NFRKB: variants seen among roughly 807,000 people sequenced by gnomAD.
NFRKB encodes the protein nuclear factor related to kappaB binding protein.
In NFRKB, 62 loss-of-function variants were observed where a neutral mutation model predicts 135.7. The ratio of observed to expected loss-of-function variants is 0.46; its 90% confidence interval spans 0.37 to 0.56. The LOEUF is 0.56. Among genes scored for constraint, NFRKB ranks in the 20% least tolerant of loss-of-function variants. The probability of loss-of-function intolerance (pLI) is 0.00; values close to 1 mark genes in which losing one functional copy is unlikely to be tolerated. For synonymous variants in NFRKB, 678 were observed against 635.6 expected, an observed-to-expected ratio of 1.07 and a Z score of -1.00; for missense variants, 1,545 against 1,662.0, an observed-to-expected ratio of 0.93 and a Z score of 1.22.
chr11:129,873,941 G>A lies in NFRKB; in HGVS notation c.2354C>T (p.Pro785Leu). The A allele has an allele frequency of 6.2e-7, 1 of 1,613,262 alleles. No homozygotes were observed. Among genetic ancestry groups the A allele is most frequent in the Non-Finnish European group, 8.5e-7 (1 of 1,180,014 alleles). The part of the protein sequence containing the change: ...MLSPASSQTA[P>L]SSQAAARVVS... ...GACCCGGGCGGCAGCCTGAGAACTG[G>A]GTGCAGTCTGGCTGGAAGCTGGGGA... Residue 785 changes from proline to leucine, a missense_variant, in exon 22 of 27, where the codon CCC becomes CTC. By Grantham distance (98) the Pro-to-Leu change is moderately conservative. Coordinates refer to ENST00000682444, the MANE Select transcript of NFRKB (RefSeq NM_001143835.2).
intron 8 of NFRKB, 65 bp downstream of exon 8, chr11:129,884,005 T>G: frequency 6.4e-7 from 1 of 1,551,160 alleles, no homozygotes; most frequent in Non-Finnish European, 8.9e-7. Flanking sequence ...CGTGTCTTCC[T>G]CAGGACAGCC....
intron 15 of NFRKB, among the ~76,000 whole-genome samples, chr11:129,878,093 G>C (rs1390129719): frequency 6.6e-6 from 1 of 152,122 alleles, no homozygotes; most frequent in Non-Finnish European, 1.5e-5. Flanking sequence ...ATGCCCCTTA[G>C]AGGCTCTCCT....
In NFRKB at chr11:129,884,652, T is replaced by C; in HGVS notation, c.742+93A>G. 3 of 1,406,340 alleles carry C rather than the reference T, an allele frequency of 2.1e-6. No individual in the cohort carries two copies. The South Asian group carries it at 3.7e-5, about 18-fold the overall frequency. 87.1% of individuals were successfully genotyped at this position (1,406,340 alleles called of 1,614,324 possible). ...TAGGGAGTTTTGTTTTCCTGGTAGG[T>C]AGGAATCTGCCCCCACCCACCTCCC... On this transcript the variant is annotated intron_variant, in intron 7 of 26. Transcript: ENST00000682444.
intron 4 of NFRKB, chr11:129,888,359 C>T: frequency 1.5e-6 from 1 of 667,406 alleles, no homozygotes; most frequent in Non-Finnish European, 2.7e-6. Context: ...ATGCTGGTTA[C>T]AAGCTGATGC....
Position 129,884,105 on chromosome 11 carries a change from A to C in NFRKB, c.781T>G (p.Leu261Val). ...TTCCGCTTCTCGTGGTGCTTCTTTA[A>C]CATTATCTTCAGGTCACTGTCCCCC... ...ELGDSDLKIMLKKHHEKRKHQ... is the reference protein window; with the variant it reads ...ELGDSDLKIMVKKHHEKRKHQ... Residue 261 changes from leucine to valine, a missense_variant, in exon 8 of 27, where the codon TTA (leucine) becomes GTA (valine). By Grantham distance (32) the Leu-to-Val change is conservative. Coordinates refer to ENST00000682444, the MANE Select transcript of NFRKB (RefSeq NM_001143835.2). 6.2e-7 allele frequency: 1 copy of C among 1,614,202 alleles called. No individual in the cohort carries two copies. Among genetic ancestry groups the C allele is most frequent in the Non-Finnish European group, 8.5e-7 (1 of 1,180,034 alleles).
Position 129,883,171 on chromosome 11 carries a change from G to A in NFRKB, c.852C>T (p.Leu284=), listed in dbSNP as rs548580516. 3.1e-6 allele frequency: 5 copies of A among 1,613,978 alleles called. No individual in the cohort carries two copies. The African/African-American group carries it at 6.7e-5, about 22-fold the overall frequency. Residue 284 remains leucine (L), a synonymous_variant, in exon 9 of 27, where the codon CTC becomes CTT. Transcript: ENST00000682444. Reference sequence around the variant, plus strand: ...CATTTACTCGAGTCATGATGTCATTGAGAGTCAGGTCCCCTGTCAAAAGGT... The same window carrying A: ...CATTTACTCGAGTCATGATGTCATTAAGAGTCAGGTCCCCTGTCAAAAGGT... ...HPDLLTGDLT[L]NDIMTRVNAG... is the part of the protein sequence containing the mutation.
At position 129,869,825 on chromosome 11, in the gene NFRKB, C is replaced by T; in HGVS notation, c.3200G>A (p.Ser1067Asn). The T allele has an allele frequency of 6.2e-7, 1 of 1,614,276 alleles. No homozygotes were observed. Among genetic ancestry groups the T allele is most frequent in the Non-Finnish European group, 8.5e-7 (1 of 1,180,054 alleles). Residue 1067 changes from serine to asparagine, a missense_variant, in exon 24 of 27, where the codon AGT becomes AAT. Transcript: ENST00000682444. ...GCTTTTTCCCTTCTGGTCAGCCACA[C>T]TCACGCCAAGAGCTGGCATCAAGCG... ...AFRLMPALGV[S>N]VADQKGKSTV...
chr11:129,882,765 C>G, intron 9 of NFRKB, 134 bp from the exon 10 acceptor site: 1 of 900,526 alleles, frequency 1.1e-6, no homozygotes, highest in South Asian at 1.6e-5. Context: ...TCAATGAAAC[C>G]AAATTCATTG....
intron 23 of NFRKB, among the ~76,000 whole-genome samples, chr11:129,871,121 C>A (rs953120249): frequency 1.3e-5 from 2 of 152,216 alleles, no homozygotes; most frequent in African/African-American, 4.8e-5. Context: ...AACATCCTCC[C>A]GTGTAGTTAA....
chr11:129,884,057 C>G lies in NFRKB; in HGVS notation c.816+13G>C, dbSNP rs1239640773. On this transcript the variant is annotated intron_variant, in intron 8 of 26. Transcript: ENST00000682444. The stretch of plus-strand genomic sequence containing the variant: ...GCTGAAAACCACACGGCCGCACGCC[C>G]TTCCCATCTTACTGGCTGATGTTTC... The G allele has an allele frequency of 6.2e-7, 1 of 1,613,988 alleles. No individual in the cohort carries two copies. Among genetic ancestry groups the G allele is most frequent in the African/African-American group, 1.3e-5 (1 of 74,932 alleles).
At chr11:129,881,891 C>A (rs1949045631) in intron 11 of NFRKB, 38 bp from the exon 12 acceptor site, 1 of 1,559,088 alleles carries the variant, frequency 6.4e-7, no homozygotes. Flanking sequence ...TCAGACTTCT[C>A]TTCCACACCA....
intron 24 of NFRKB, among the ~76,000 whole-genome samples, chr11:129,867,434 A>G (rs1591471361): frequency 1.4e-5 from 2 of 147,134 alleles, no homozygotes; most frequent in East Asian, 4.0e-4. Flanking sequence ...ATCCTGCCTC[A>G]GCCCCCTGAG....
chr11:129,876,270 T>A (rs1358386744), intron 17 of NFRKB, among the ~76,000 whole-genome samples: 1 of 152,232 alleles, frequency 6.6e-6, no homozygotes, highest in Non-Finnish European at 1.5e-5. Flanking sequence ...TTCTGCACCA[T>A]AAACTTGTTT....
intron 22 of NFRKB, among the ~76,000 whole-genome samples, chr11:129,873,494 G>A (rs940500087): frequency 6.6e-6 from 1 of 152,332 alleles, no homozygotes; most frequent in East Asian, 1.9e-4. Context: ...CCGCCTCTAC[G>A]AAGATCCTGA....
chr11:129,870,298 A>G (rs1948440536), intron 23 of NFRKB, 37 bp from the exon 24 acceptor site: 5 of 1,581,360 alleles, frequency 3.2e-6, no homozygotes, highest in Non-Finnish European at 3.5e-6. Flanking sequence ...AGGGATTCAC[A>G]ATAGTAAACC....
chr11:129,880,358 GC>G (rs2135660200), intron 13 of NFRKB, among the ~76,000 whole-genome samples: 1 of 152,164 alleles, frequency 6.6e-6, no homozygotes, highest in East Asian at 1.9e-4. Context: ...CCACAGCCAA[GC>G]CATAACCAAG....
In NFRKB at chr11:129,881,761, T is replaced by C. The variant is rs1472782106; in HGVS notation, c.1284A>G (p.Leu428=). ...SAAPNWAELV[L]PALQYLAGES... is the part of the protein sequence containing the mutation. ...CTCCAGCAAGATACTGCAGGGCTGG[T>C]AGTACCAACTCAGCCCAGTTGGGGG... The change falls in exon 12 of 27, where the codon CTA becomes CTG. Residue 428 remains leucine (L), a synonymous_variant. Coordinates refer to ENST00000682444, the MANE Select transcript of NFRKB (RefSeq NM_001143835.2). 8 of 1,613,950 alleles carry C rather than the reference T, an allele frequency of 5.0e-6. No homozygotes were observed. Among genetic ancestry groups the C allele is most frequent in the South Asian group, 1.1e-5 (1 of 91,070 alleles).
rs369009213 is a variant in NFRKB, at chr11:129,878,452, A to T, written c.1464+12T>A. On this transcript the variant is annotated intron_variant, in intron 14 of 26. Transcript: ENST00000682444. Reference sequence around the variant, plus strand: ...CAGTGAGAAGGATCTGGTATTTCTTAAAAAAACATACCTTACAGAAGGCCT... The same window carrying T: ...CAGTGAGAAGGATCTGGTATTTCTTTAAAAAACATACCTTACAGAAGGCCT... 8.7e-6 allele frequency: 14 copies of T among 1,613,276 alleles called. No homozygotes were observed. The highest frequency in any genetic ancestry group is 1.1e-5 in the Non-Finnish European group (13 of 1,179,332).
rs751435932 is a variant in NFRKB at position 129,876,792 on chromosome 11, G to A, written c.1676C>T (p.Ser559Leu). The change falls in exon 17 of 27, where the codon TCG (serine) becomes TTG (leucine). Residue 559 changes from serine (S) to leucine (L), a missense_variant. Coordinates refer to ENST00000682444, the MANE Select transcript of NFRKB (RefSeq NM_001143835.2). ...PVKGVFDKET[S>L]LNKAREHSLL... ...GGAGTGCTCCCGAGCCTTGTTGAGC[G>A]AGGTCTCCTTGTCAAACACGCCCTT... is the stretch of plus-strand genomic sequence containing the variant. 10 of 1,613,988 alleles carry A rather than the reference G, an allele frequency of 6.2e-6. No individual in the cohort carries two copies. Among genetic ancestry groups the A allele is most frequent in the African/African-American group, 2.7e-5 (2 of 74,910 alleles).
Sources: gnomAD v4.1 joint callset for allele counts (sites outside exome capture counted in the v4.1 genomes callset) on GRCh38, gnomAD v4.1.1 for gene constraint, MANE v1.5 for transcripts, NCBI Gene and HGNC (gene_info 2026-07-23, HGNC 2026-07-21) for gene names.